The following ARK2C variants were observed in gnomAD, a reference collection of about 807,000 sequenced individuals.
ARK2C encodes the protein E3 ubiquitin-protein ligase ARK2C.
chr18:46,416,770 C>A, the ARK2C span, among the ~76,000 whole-genome samples: 6 of 152,206 alleles, frequency 3.9e-5, no homozygotes, highest in African/African-American at 1.4e-4. Flanking sequence ...CATTCTCCAG[C>A]AGGTTAGCCT....
At chr18:46,380,765 A>G in the ARK2C span, among the ~76,000 whole-genome samples, 1 of 152,166 alleles carries the variant, frequency 6.6e-6, no homozygotes, top group African/African-American at 2.4e-5. Flanking sequence ...CTGCTAGCTA[A>G]GGACAAAGAG....
chr18:46,437,470 A>G, the ARK2C span, among the ~76,000 whole-genome samples: 3 of 152,016 alleles, frequency 2.0e-5, no homozygotes, highest in Non-Finnish European at 2.9e-5. Context: ...TGCATCCCCT[A>G]TCCCCTTTAG....
the ARK2C span, among the ~76,000 whole-genome samples, chr18:46,383,241 G>C: frequency 6.6e-6 from 1 of 152,238 alleles, no homozygotes; most frequent in African/African-American, 2.4e-5. Context: ...AAGACAGAGA[G>C]GGTCAGTCCA....
chr18:46,462,283 CCT>C, the ARK2C span: 3 of 153,510 alleles, frequency 2.0e-5, no homozygotes, highest in Non-Finnish European at 2.9e-5. Flanking sequence ...AGAGTAGCCC[CCT>C]GAGCCGGCTG....
chr18:46,456,292 TAGG>T, the ARK2C span, among the ~76,000 whole-genome samples: 9 of 152,174 alleles, frequency 5.9e-5, no homozygotes, highest in African/African-American at 1.7e-4. Context: ...ATGAAAAGTG[TAGG>T]AGAACAGTGT....
chr18:46,342,814 A>G, the ARK2C span, among the ~76,000 whole-genome samples: 2 of 152,062 alleles, frequency 1.3e-5, no homozygotes, highest in East Asian at 1.9e-4. Flanking sequence ...AAATCAAAGG[A>G]AAAAAAACCT....
the ARK2C span, among the ~76,000 whole-genome samples, chr18:46,365,138 T>G: frequency 6.6e-6 from 1 of 152,224 alleles, no homozygotes; most frequent in South Asian, 2.1e-4. Context: ...GCATCCTGCC[T>G]TCTTGTTAGA....
the ARK2C span, among the ~76,000 whole-genome samples, chr18:46,416,611 C>T: frequency 1.3e-5 from 2 of 152,204 alleles, no homozygotes; most frequent in East Asian, 1.9e-4. Context: ...AAACAACAAC[C>T]TTTTATGCAG....
At chr18:46,412,298 C>T in the ARK2C span, among the ~76,000 whole-genome samples, 2 of 152,246 alleles carry the variant, frequency 1.3e-5, no homozygotes, top group East Asian at 1.9e-4. Context: ...GGGCTGGTTG[C>T]CCAGTTGGCC....
At chr18:46,398,503 G>T in the ARK2C span, among the ~76,000 whole-genome samples, 1 of 152,014 alleles carries the variant, frequency 6.6e-6, no homozygotes, top group South Asian at 2.1e-4. Context: ...TGAGACAATT[G>T]GCCAGCAAAT....
the ARK2C span, among the ~76,000 whole-genome samples, chr18:46,365,432 G>A: frequency 1.3e-5 from 2 of 152,176 alleles, no homozygotes; most frequent in African/African-American, 2.4e-5. Context: ...CAAGAATCTG[G>A]CTCTTGATAT....
the ARK2C span, chr18:46,386,099 C>T: frequency 6.6e-6 from 1 of 152,150 alleles, no homozygotes; most frequent in Non-Finnish European, 1.5e-5. Context: ...GCCTTAGAAG[C>T]AAATGCCAAG....
the ARK2C span, chr18:46,450,223 G>A: frequency 2.2e-6 from 2 of 919,806 alleles, no homozygotes; most frequent in South Asian, 2.6e-5. Context: ...GGTTACAGGT[G>A]GAGAAGTTGC....
At chr18:46,412,161 GTCCTTCC>G in the ARK2C span, among the ~76,000 whole-genome samples, 4 of 152,210 alleles carry the variant, frequency 2.6e-5, no homozygotes, top group African/African-American at 9.6e-5. Context: ...CAAGGTTTAA[GTCCTTCC>G]AACCCCATTC....
chr18:46,335,975 C>T, the ARK2C span: 1 of 985,416 alleles, frequency 1.0e-6, no homozygotes, highest in Non-Finnish European at 1.2e-6. Flanking sequence ...TTAACCATTT[C>T]CTGTCTCCAT....
the ARK2C span, among the ~76,000 whole-genome samples, chr18:46,432,100 A>G: frequency 6.6e-6 from 1 of 152,168 alleles, no homozygotes; most frequent in Non-Finnish European, 1.5e-5. Flanking sequence ...TGAATCTGCC[A>G]TGTTTAGCAG....
the ARK2C span, chr18:46,336,965 T>C: frequency 1.0e-6 from 1 of 985,452 alleles, no homozygotes; most frequent in Non-Finnish European, 1.2e-6. Context: ...CTGGCTTAAG[T>C]GGGAGCCATG....
At chr18:46,423,446 T>C in the ARK2C span, among the ~76,000 whole-genome samples, 1 of 152,176 alleles carries the variant, frequency 6.6e-6, no homozygotes, top group Non-Finnish European at 1.5e-5. Flanking sequence ...ACAGGCTTAC[T>C]CCTAGGGGAA....
the ARK2C span, among the ~76,000 whole-genome samples, chr18:46,431,753 G>A: frequency 5.3e-5 from 8 of 152,278 alleles, no homozygotes; most frequent in South Asian, 2.1e-4. Flanking sequence ...GAGGAGCCCT[G>A]GGCAGAATTG....
Sources: allele counts gnomAD v4.1 joint callset (sites outside exome capture counted in the v4.1 genomes callset), GRCh38; gene constraint gnomAD v4.1.1; transcripts MANE v1.5; gene names NCBI Gene and HGNC (gene_info 2026-07-23, HGNC 2026-07-21).